The following TMEM108 variants were observed in gnomAD, a reference collection of about 807,000 sequenced individuals.
The protein encoded by TMEM108 is transmembrane protein 108.
Under a neutral mutation model 35.1 loss-of-function variants are expected in TMEM108, and 12 were observed. That is an observed-to-expected ratio of 0.34 (90% CI 0.22 to 0.55). The LOEUF (loss-of-function observed/expected upper bound fraction) is 0.55, where lower values mean the gene tolerates loss of function less well. TMEM108 is among the 20% of genes least tolerant of loss of function. The pLI is 0.89. For synonymous variants in TMEM108, 287 were observed against 308.6 expected (o/e 0.93, Z 0.73); for missense variants, 680 against 753.3 (o/e 0.90, Z 1.14).
intron 4 of TMEM108, chr3:133,388,919 G>A (rs565123276): frequency 8.1e-6 from 8 of 985,406 alleles, no homozygotes; most frequent in Non-Finnish European, 8.4e-6. Flanking sequence ...GCCAACCCCC[G>A]GTGCTGGCCT....
intron 2 of TMEM108, among the ~76,000 whole-genome samples, chr3:133,175,754 A>G (rs1190715858): frequency 6.6e-6 from 1 of 152,262 alleles, no homozygotes; most frequent in Non-Finnish European, 1.5e-5. Flanking sequence ...CTAGGAAGAA[A>G]CTGCATCAAC....
At chr3:133,098,658 A>C (rs758303246) in intron 2 of TMEM108, among the ~76,000 whole-genome samples, 1 of 152,212 alleles carries the variant, frequency 6.6e-6, no homozygotes, top group Non-Finnish European at 1.5e-5. Flanking sequence ...AAATATAGCC[A>C]TTCCAAATGG....
At chr3:133,314,791 T>G (rs2071176091) in intron 3 of TMEM108, among the ~76,000 whole-genome samples, 2 of 152,196 alleles carry the variant, frequency 1.3e-5, no homozygotes, top group Non-Finnish European at 1.5e-5. Flanking sequence ...TGAAATGGCC[T>G]AGTCCTTAGA....
At chr3:133,172,827 G>A (rs1416735871) in intron 2 of TMEM108, among the ~76,000 whole-genome samples, 1 of 152,174 alleles carries the variant, frequency 6.6e-6, no homozygotes. Context: ...GGAAGTAATT[G>A]AATCATGGGG....
At chr3:133,146,598 C>CT (rs1559847296) in intron 2 of TMEM108, among the ~76,000 whole-genome samples, 1 of 152,008 alleles carries the variant, frequency 6.6e-6, no homozygotes, top group East Asian at 1.9e-4. Context: ...TGGTCATGGG[C>CT]TTTTTTTAGT....
At chr3:133,353,906 C>G (rs2072082446) in intron 3 of TMEM108, among the ~76,000 whole-genome samples, 1 of 152,204 alleles carries the variant, frequency 6.6e-6, no homozygotes, top group Non-Finnish European at 1.5e-5. Context: ...GGCACATGGT[C>G]TCTTCCAAAC....
intron 3 of TMEM108, among the ~76,000 whole-genome samples, chr3:133,301,763 C>T (rs1947228540): frequency 6.6e-6 from 1 of 152,098 alleles, no homozygotes; most frequent in South Asian, 2.1e-4. Context: ...GAATTTCATC[C>T]CATATTCCTA....
intron 1 of TMEM108, among the ~76,000 whole-genome samples, chr3:133,045,373 G>T (rs888688118): frequency 6.6e-6 from 1 of 152,204 alleles, no homozygotes; most frequent in Non-Finnish European, 1.5e-5. Context: ...CTGTGCTAGT[G>T]TCTCACTCAG....
chr3:133,059,043 G>A (rs1223058783), intron 2 of TMEM108, among the ~76,000 whole-genome samples: 2 of 152,180 alleles, frequency 1.3e-5, no homozygotes, highest in African/African-American at 2.4e-5. Context: ...ACTCCCTTCC[G>A]GGTTGCAGAC....
chr3:133,169,705 C>G (rs1226233144), intron 2 of TMEM108, among the ~76,000 whole-genome samples: 1 of 152,200 alleles, frequency 6.6e-6, no homozygotes. Context: ...TGTAGCCTTC[C>G]CTCCATCTTG....
rs977149428 is a variant in TMEM108, at chr3:133,068,703, T to G, written c.-47+22683T>G. ...TTGTGTGTTCAAAACAATCACAAAA[T>G]TTCAAACATTTGCAGCACCTGTTAC... On this transcript the variant is annotated intron_variant, in intron 2 of 5. Coordinates refer to ENST00000321871, the MANE Select transcript of TMEM108 (RefSeq NM_023943.4). 3.9e-5 allele frequency among the ~76,000 whole-genome samples: 6 copies of G among 152,270 alleles called. No individual in the cohort carries two copies. In the East Asian group the frequency reaches 5.8e-4, roughly 15 times the overall value.
At chr3:133,105,631 G>A (rs115382972) in intron 2 of TMEM108, among the ~76,000 whole-genome samples, 54 of 152,176 alleles carry the variant, frequency 3.5e-4, no homozygotes, top group Non-Finnish European at 6.0e-4. Context: ...ATGTGTGTGC[G>A]TGCACATGTG....
At chr3:133,374,920 TG>T (rs2072789944) in intron 3 of TMEM108, among the ~76,000 whole-genome samples, 1 of 152,132 alleles carries the variant, frequency 6.6e-6, no homozygotes, top group Non-Finnish European at 1.5e-5. Flanking sequence ...GAACAATAAA[TG>T]AAAGTAGTCG....
chr3:133,272,089 A>G (rs1455750350), intron 3 of TMEM108, among the ~76,000 whole-genome samples: 4 of 152,330 alleles, frequency 2.6e-5, no homozygotes, highest in South Asian at 4.1e-4. Flanking sequence ...TGTGCCTCAC[A>G]GTTTCCTTAA....
chr3:133,214,205 C>T (rs1452241357), intron 2 of TMEM108, among the ~76,000 whole-genome samples: 1 of 152,128 alleles, frequency 6.6e-6, no homozygotes, highest in Non-Finnish European at 1.5e-5. Flanking sequence ...CATTCTTACC[C>T]CTATTACAGG....
At chr3:133,183,331 A>G (rs1029589495) in intron 2 of TMEM108, among the ~76,000 whole-genome samples, 3 of 152,210 alleles carry the variant, frequency 2.0e-5, no homozygotes, top group African/African-American at 7.2e-5. Context: ...TTCCTAAGGC[A>G]TATGATTCCT....
intron 2 of TMEM108, among the ~76,000 whole-genome samples, chr3:133,212,022 G>A (rs6809033): frequency 0.32 from 48,226 of 152,034 alleles, 8,519 homozygotes; most frequent in East Asian, 0.47. Flanking sequence ...AATATCCTGA[G>A]TGATAGCCTA....
At chr3:133,102,110 CAT>C (rs748426786) in intron 2 of TMEM108, among the ~76,000 whole-genome samples, 3 of 152,172 alleles carry the variant, frequency 2.0e-5, no homozygotes, top group Non-Finnish European at 2.9e-5. Flanking sequence ...CTCGCACAAA[CAT>C]ATTGAGAACC....
At chr3:133,177,941 A>G (rs1221093943) in intron 2 of TMEM108, among the ~76,000 whole-genome samples, 5 of 152,340 alleles carry the variant, frequency 3.3e-5, no homozygotes, top group Admixed American at 2.6e-4. Flanking sequence ...AATCTCCTCA[A>G]GCTGATAGGC....
Sources: gnomAD v4.1 joint callset for allele counts (sites outside exome capture counted in the v4.1 genomes callset) on GRCh38, gnomAD v4.1.1 for gene constraint, MANE v1.5 for transcripts, NCBI Gene and HGNC (gene_info 2026-07-23, HGNC 2026-07-21) for gene names.